The following CDYL variants were observed in gnomAD, a reference collection of about 807,000 sequenced individuals.
CDYL encodes the protein chromodomain Y-like protein.
A neutral mutation model predicts 47.3 loss-of-function variants in CDYL; 8 were observed. The observed-to-expected ratio is 0.17, with a 90% CI of 0.10 to 0.31. The LOEUF (loss-of-function observed/expected upper bound fraction) is 0.31. Among genes scored for constraint, CDYL ranks in the 10% least tolerant of loss-of-function variants. The pLI is 1.00. For missense variants in CDYL, 471 were observed against 701.4 expected, an observed-to-expected ratio of 0.67 and a Z score of 3.71; for synonymous variants, 266 against 265.0, an observed-to-expected ratio of 1.00 and a Z score of -0.04.
chr6:4,921,288 C>G (rs1757708618), intron 2 of CDYL, among the ~76,000 whole-genome samples: 1 of 152,172 alleles, frequency 6.6e-6, no homozygotes, highest in African/African-American at 2.4e-5. Flanking sequence ...CTCTCTCTGC[C>G]CAAGTAACTG....
At chr6:4,944,876 C>G (rs1383276770) in intron 5 of CDYL, among the ~76,000 whole-genome samples, 1 of 152,158 alleles carries the variant, frequency 6.6e-6, no homozygotes, top group African/African-American at 2.4e-5. Context: ...AGAAATAAGA[C>G]AAAAGCCAAC....
chr6:4,892,462 G>A, intron 2 of CDYL, 83 bp downstream of exon 2: 1 of 1,420,168 alleles, frequency 7.0e-7, no homozygotes, highest in Non-Finnish European at 9.4e-7. Flanking sequence ...CTTGAGCTGG[G>A]CAGAGTCCGG....
intron 1 of CDYL, among the ~76,000 whole-genome samples, chr6:4,780,490 A>T (rs1282512432): frequency 6.9e-6 from 1 of 143,928 alleles, no homozygotes; most frequent in Non-Finnish European, 1.5e-5. Context: ...GCTGGTCTCA[A>T]ACTCCTGGTC....
At chr6:4,710,403 A>G (rs1051386044) in intron 1 of CDYL, among the ~76,000 whole-genome samples, 1 of 147,672 alleles carries the variant, frequency 6.8e-6, no homozygotes, top group Non-Finnish European at 1.5e-5. Context: ...GAAGGAAGGA[A>G]ACTACATTTA....
At chr6:4,938,308 G>A (rs1758262611) in intron 4 of CDYL, among the ~76,000 whole-genome samples, 1 of 151,702 alleles carries the variant, frequency 6.6e-6, no homozygotes, top group Non-Finnish European at 1.5e-5. Context: ...CAACTGGACA[G>A]AGAACCAGAT....
chr6:4,895,007 TTA>T (rs1463613699), intron 2 of CDYL, among the ~76,000 whole-genome samples: 1 of 151,178 alleles, frequency 6.6e-6, no homozygotes, highest in Non-Finnish European at 1.5e-5. Context: ...GTGTGTATGT[TTA>T]TACATATATG....
At chr6:4,879,918 G>T (rs1761718720) in intron 1 of CDYL, among the ~76,000 whole-genome samples, 1 of 151,946 alleles carries the variant, frequency 6.6e-6, no homozygotes, top group Non-Finnish European at 1.5e-5. Flanking sequence ...GCAAAATTGG[G>T]CTGAAAAAAT....
intron 1 of CDYL, chr6:4,836,418 T>C: frequency 3.6e-6 from 1 of 278,304 alleles, no homozygotes; most frequent in Non-Finnish European, 5.5e-6. Context: ...CAGTTTACTT[T>C]TTATTTTTTT....
intron 2 of CDYL, among the ~76,000 whole-genome samples, chr6:4,722,539 T>G (rs1028912301): frequency 1.3e-5 from 2 of 152,148 alleles, no homozygotes; most frequent in Admixed American, 1.3e-4. Context: ...CTCATCCTGG[T>G]TAATCTAGAA....
At chr6:4,829,732 G>A (rs1433221313) in intron 1 of CDYL, among the ~76,000 whole-genome samples, 1 of 152,190 alleles carries the variant, frequency 6.6e-6, no homozygotes, top group East Asian at 1.9e-4. Context: ...TGGCTTAAGG[G>A]CCCAAGTTCA....
intron 5 of CDYL, among the ~76,000 whole-genome samples, chr6:4,949,630 G>C (rs1488742270): frequency 1.3e-5 from 2 of 152,234 alleles, no homozygotes; most frequent in African/African-American, 4.8e-5. Context: ...CCATCTCAGA[G>C]CAACGTGCTA....
At chr6:4,727,686 T>C (rs1323935706) in intron 2 of CDYL, among the ~76,000 whole-genome samples, 1 of 151,748 alleles carries the variant, frequency 6.6e-6, no homozygotes, top group African/African-American at 2.4e-5. Flanking sequence ...GGATTCTGTT[T>C]CTTGAATTTT....
At chr6:4,832,171 C>T (rs535666491) in intron 1 of CDYL, among the ~76,000 whole-genome samples, 2 of 152,232 alleles carry the variant, frequency 1.3e-5, no homozygotes, top group East Asian at 3.9e-4. Flanking sequence ...AAAGGGAATG[C>T]TTCCAGTTTT....
intron 1 of CDYL, among the ~76,000 whole-genome samples, chr6:4,889,518 C>T (rs1361705005): frequency 6.6e-6 from 1 of 152,038 alleles, no homozygotes; most frequent in African/African-American, 2.4e-5. Context: ...CCACCGTGCC[C>T]GGCCCACATT....
At chr6:4,717,139 G>A (rs62384808) in intron 2 of CDYL, among the ~76,000 whole-genome samples, 1 of 152,246 alleles carries the variant, frequency 6.6e-6, no homozygotes, top group South Asian at 2.1e-4. Context: ...CTTGGAAGAG[G>A]TTGTCGTGGC....
At chr6:4,712,370 G>A (rs1368765088) in intron 1 of CDYL, among the ~76,000 whole-genome samples, 2 of 152,244 alleles carry the variant, frequency 1.3e-5, no homozygotes, top group Non-Finnish European at 1.5e-5. Context: ...TCCTGGGCAA[G>A]GCTGTTGCCA....
chr6:4,828,814 T>C (rs1488562766), intron 1 of CDYL, among the ~76,000 whole-genome samples: 2 of 152,198 alleles, frequency 1.3e-5, no homozygotes, highest in African/African-American at 4.8e-5. Flanking sequence ...TTCTTTACTT[T>C]CTACTTTTCA....
At chr6:4,904,292 A>G (rs913916284) in intron 2 of CDYL, among the ~76,000 whole-genome samples, 51 of 152,252 alleles carry the variant, frequency 3.3e-4, no homozygotes, top group African/African-American at 1.2e-3. Context: ...AAAAGTAATT[A>G]CCCCGATATA....
intron 1 of CDYL, among the ~76,000 whole-genome samples, chr6:4,813,511 T>TA (rs756711515): frequency 5.3e-5 from 8 of 152,234 alleles, no homozygotes; most frequent in African/African-American, 9.6e-5. Context: ...TTCAGGGACT[T>TA]ACTCTACTGG....
Sources: gnomAD v4.1 joint callset for allele counts (sites outside exome capture counted in the v4.1 genomes callset) on GRCh38, gnomAD v4.1.1 for gene constraint, MANE v1.5 for transcripts, NCBI Gene and HGNC (gene_info 2026-07-23, HGNC 2026-07-21) for gene names.